NOS1: variants seen among roughly 807,000 people sequenced by gnomAD.
NOS1 encodes the protein nitric oxide synthase 1, also known as NOS type I.
NOS1 carries 51 observed loss-of-function variants against 164.5 expected under a neutral mutation model. That is an observed-to-expected ratio of 0.31 (90% CI 0.25 to 0.39). The LOEUF (loss-of-function observed/expected upper bound fraction) is 0.39, where lower values mean the gene tolerates loss of function less well. Among genes scored for constraint, NOS1 ranks in the 10% least tolerant of loss-of-function variants. The pLI, the probability that NOS1 is intolerant of heterozygous loss-of-function variation, is 1.00. For synonymous variants in NOS1, 719 were observed against 745.8 expected, an observed-to-expected ratio of 0.96 and a Z score of 0.59; for missense variants, 1,362 against 1,885.6, an observed-to-expected ratio of 0.72 and a Z score of 5.14.
Position 117,214,507 on chromosome 12 carries a change from G to A in NOS1, c.*802C>T, listed in dbSNP as rs1177342496. 9 of 985,280 alleles carry A rather than the reference G, an allele frequency of 9.1e-6. No homozygotes were observed. The highest frequency in any genetic ancestry group is 1.1e-5 in the Non-Finnish European group (9 of 829,946). 61.0% of individuals were successfully genotyped at this position (985,280 alleles called of 1,614,324 possible). On this transcript the variant is annotated 3_prime_UTR_variant, in exon 29 of 29. Coordinates refer to ENST00000317775, the MANE Select transcript of NOS1 (RefSeq NM_000620.5). ...GGGGAGGGGATTTGCACAATCCATT[G>A]GATGGGTTCATGTCACATGAGGGCT...
In NOS1 at chr12:117,243,703, C is replaced by G. The variant is rs957489403; in HGVS notation, c.2824-268G>C. On this transcript the variant is annotated intron_variant, in intron 18 of 28. Transcript: ENST00000317775. This position sits in a 1 kb window ranked among gnomAD's most constrained non-coding sequence, Gnocchi z 4.3. The stretch of plus-strand genomic sequence containing the variant: ...ACTCATCTACTCTTCCATTCATCTA[C>G]CCTTCCACCCTCCCATCCATGTATC... 6.6e-6 allele frequency among the ~76,000 whole-genome samples: 1 copy of G among 151,220 alleles called. No individual in the cohort carries two copies. Among genetic ancestry groups the G allele is most frequent in the African/African-American group, 2.4e-5 (1 of 41,142 alleles).
intron 3 of NOS1, among the ~76,000 whole-genome samples, chr12:117,308,336 G>A (rs1047578215): frequency 6.6e-6 from 1 of 152,002 alleles, no homozygotes; most frequent in East Asian, 1.9e-4. Flanking sequence ...GCAAGATCCC[G>A]TTTCTACAAA....
At chr12:117,273,864 C>A (rs1268671934) in intron 9 of NOS1, among the ~76,000 whole-genome samples, 1 of 151,882 alleles carries the variant, frequency 6.6e-6, no homozygotes, top group Non-Finnish European at 1.5e-5. Flanking sequence ...AGACCAGAAA[C>A]TATAAAACTA....
intron 3 of NOS1, among the ~76,000 whole-genome samples, chr12:117,303,658 C>G (rs1470029414): frequency 6.6e-6 from 1 of 152,158 alleles, no homozygotes; most frequent in African/African-American, 2.4e-5. Flanking sequence ...TAATTGGTAT[C>G]TGAAAATAGA....
At chr12:117,294,417 G>A (rs1420737339) in intron 3 of NOS1, among the ~76,000 whole-genome samples, 2 of 152,168 alleles carry the variant, frequency 1.3e-5, no homozygotes, top group Admixed American at 6.5e-5. Context: ...TGGTCGTTAC[G>A]AGTCAAGTAA....
At position 117,222,610 on chromosome 12, in the gene NOS1, G is replaced by A. The variant is rs1956725627; in HGVS notation, c.3975+105C>T. ...GAAGTACAGAGCAACTTCATAGAGG[G>A]AAAATCAGGAAGCTTAAGAGTGAGG... On this transcript the variant is annotated intron_variant, in intron 26 of 28. Transcript: ENST00000317775. 3.7e-6 allele frequency: 4 copies of A among 1,080,120 alleles called. No individual in the cohort carries two copies. The African/African-American group carries it at 4.7e-5, about 13-fold the overall frequency. The allele number at this position is 1,080,120 out of a possible 1,614,324, so 66.9% of individuals were successfully genotyped here. A position where few individuals can be genotyped will look rare whatever the true frequency, so the allele number is the denominator to read the frequency against.
At chr12:117,314,517 A>G (rs1874585915) in intron 2 of NOS1, among the ~76,000 whole-genome samples, 1 of 152,320 alleles carries the variant, frequency 6.6e-6, no homozygotes, top group African/African-American at 2.4e-5. Flanking sequence ...CTGAACCCAG[A>G]GGGGTTATGT....
At chr12:117,269,094 A>G (rs1489166675) in intron 10 of NOS1, among the ~76,000 whole-genome samples, 1 of 152,178 alleles carries the variant, frequency 6.6e-6, no homozygotes, top group African/African-American at 2.4e-5. Flanking sequence ...CTTAGGAAGA[A>G]AATAAGGAAA....
intron 1 of NOS1, among the ~76,000 whole-genome samples, 159 bp from the exon 2 acceptor site, chr12:117,331,648 C>T (rs1442140560): frequency 6.6e-6 from 1 of 152,190 alleles, no homozygotes; most frequent in Admixed American, 6.5e-5. Flanking sequence ...GAAACAAAAT[C>T]CTTCTTCCTG....
In NOS1 at chr12:117,210,743, G is replaced by C. The variant is rs1196316495; in HGVS notation, c.*4566C>G. 6 of 985,216 alleles carry C rather than the reference G, an allele frequency of 6.1e-6. No homozygotes were observed. Among genetic ancestry groups the C allele is most frequent in the Non-Finnish European group, 6.0e-6 (5 of 829,968 alleles). The allele number at this position is 985,216 out of a possible 1,614,324, so 61.0% of individuals were successfully genotyped here. Reference sequence around the variant, plus strand: ...GCAGGCAGCTGCTGAAAGCGTGTTTGGTCAGAAGATTCTGTGTTCTTAGCC... The same window carrying C: ...GCAGGCAGCTGCTGAAAGCGTGTTTCGTCAGAAGATTCTGTGTTCTTAGCC... On this transcript the variant is annotated 3_prime_UTR_variant, in exon 29 of 29. Coordinates refer to ENST00000317775, the MANE Select transcript of NOS1 (RefSeq NM_000620.5).
chr12:117,272,528 A>G lies in NOS1; in HGVS notation c.1696T>C (p.Trp566Arg). The change falls in exon 10 of 29, where the codon TGG becomes CGG. Residue 566 changes from tryptophan to arginine, a missense_variant. Coordinates refer to ENST00000317775, the MANE Select transcript of NOS1 (RefSeq NM_000620.5). This position sits in a 1 kb window ranked among gnomAD's most constrained non-coding sequence, Gnocchi z 4.3. Reference sequence around the variant, plus strand: ...TTGGACACGGCGGGGAGGCCGTACCACTTCAGCCCCAGGTCCTTGAACCAC... The same window carrying G: ...TTGGACACGGCGGGGAGGCCGTACCGCTTCAGCCCCAGGTCCTTGAACCAC... ...FEWFKDLGLK[W>R]YGLPAVSNML... 1 of 1,614,110 alleles carries G rather than the reference A, an allele frequency of 6.2e-7. No individual in the cohort carries two copies. The highest frequency in any genetic ancestry group is 8.5e-7 in the Non-Finnish European group (1 of 1,180,004).
chr12:117,213,647 A>G lies in NOS1; in HGVS notation c.*1662T>C. On this transcript the variant is annotated 3_prime_UTR_variant, in exon 29 of 29. Coordinates refer to ENST00000317775, the MANE Select transcript of NOS1 (RefSeq NM_000620.5). ...TGCACTTCCTCTTTAGCAGACACCCAAACTGAACAACAAGATATGCCCACG... is the reference window on the plus strand; with the variant it reads ...TGCACTTCCTCTTTAGCAGACACCCGAACTGAACAACAAGATATGCCCACG... 1 of 985,484 alleles carries G rather than the reference A, an allele frequency of 1.0e-6. No homozygotes were observed. The highest frequency in any genetic ancestry group is 1.2e-6 in the Non-Finnish European group (1 of 829,956). 61.0% of individuals were successfully genotyped at this position (985,484 alleles called of 1,614,324 possible). A position where few individuals can be genotyped will look rare whatever the true frequency, so the allele number is the denominator to read the frequency against.
chr12:117,232,390 T>C (rs1397872863), intron 21 of NOS1, among the ~76,000 whole-genome samples: 1 of 152,080 alleles, frequency 6.6e-6, no homozygotes, highest in Non-Finnish European at 1.5e-5. Flanking sequence ...TAAAATAGCA[T>C]GACAGTCCAC....
chr12:117,307,231 G>A (rs1874195905), intron 3 of NOS1, among the ~76,000 whole-genome samples: 1 of 70 alleles, frequency 0.014, no homozygotes, highest in African/African-American at 0.062. Context: ...ATGGATACCT[G>A]GAGGTGGTAG....
At chr12:117,264,413 C>T (rs1454225101) in intron 12 of NOS1, among the ~76,000 whole-genome samples, 5 of 152,124 alleles carry the variant, frequency 3.3e-5, no homozygotes, top group Non-Finnish European at 5.9e-5. Flanking sequence ...GCTGGGACTA[C>T]AGGTATATGC....
chr12:117,283,048 A>ATG (rs1873804272), intron 7 of NOS1, among the ~76,000 whole-genome samples: 1 of 66,750 alleles, frequency 1.5e-5, no homozygotes, highest in Admixed American at 1.9e-4. Flanking sequence ...ATATATATAT[A>ATG]TATATATATT....
intron 1 of NOS1, among the ~76,000 whole-genome samples, chr12:117,340,529 T>G (rs1017329648): frequency 6.6e-6 from 1 of 152,062 alleles, no homozygotes; most frequent in East Asian, 1.9e-4. Context: ...TTCTCCTTTT[T>G]TATTTATGTA....
rs201451951 is a variant in NOS1 at position 117,283,056 on chromosome 12, A to AT, written c.1382+2184dup. 1.3e-3 allele frequency among the ~76,000 whole-genome samples: 124 copies of AT among 92,946 alleles called. 1 individual carries two copies. The highest frequency in any genetic ancestry group is 0.013 in the East Asian group (47 of 3,606). 61.0% of individuals were successfully genotyped at this position (92,946 alleles called of 152,430 possible). A position where few individuals can be genotyped will look rare whatever the true frequency, so the allele number is the denominator to read the frequency against. ...TAACATTATATATATATATATATATATTTTTTTTTTTTTTTTTGAGACAGT... is the reference window on the plus strand; with the variant it reads ...TAACATTATATATATATATATATATATTTTTTTTTTTTTTTTTTGAGACAGT... On this transcript the variant is annotated intron_variant, in intron 7 of 28. Coordinates refer to ENST00000317775, the MANE Select transcript of NOS1 (RefSeq NM_000620.5).
chr12:117,222,058 A>C (rs1426821298), intron 26 of NOS1, among the ~76,000 whole-genome samples: 3 of 152,016 alleles, frequency 2.0e-5, no homozygotes, highest in African/African-American at 7.2e-5. Flanking sequence ...TCTCAGTGTT[A>C]CGGGATCATC....
Sources: gnomAD v4.1 joint callset for allele counts (sites outside exome capture counted in the v4.1 genomes callset) on GRCh38, gnomAD v4.1.1 for gene constraint, Gnocchi (gnomAD v3.1) non-coding constraint, MANE v1.5 for transcripts, NCBI Gene and HGNC (gene_info 2026-07-23, HGNC 2026-07-21) for gene names.